Variants in GFRA2 observed in about 807,000 individuals in gnomAD.
GFRA2 encodes GDNF family receptor alpha 2.
In GFRA2, 17 loss-of-function variants were observed where a neutral mutation model predicts 48.3. That is an observed-to-expected ratio of 0.35 (90% CI 0.24 to 0.53). The LOEUF is 0.53. Ranked by LOEUF, GFRA2 falls within the 20% of genes least tolerant of loss-of-function variation. The pLI is 0.93. For synonymous variants in GFRA2, 305 were observed against 257.2 expected (o/e 1.19, Z -1.78); for missense variants, 660 against 637.3 (o/e 1.04, Z -0.38).
At chr8:21,778,550 C>T (rs1806822542) in intron 2 of GFRA2, among the ~76,000 whole-genome samples, 1 of 152,232 alleles carries the variant, frequency 6.6e-6, no homozygotes, top group East Asian at 1.9e-4. Context: ...ACAGTAGGTG[C>T]TTAACAAATG....
intron 1 of GFRA2, among the ~76,000 whole-genome samples, chr8:21,787,562 G>A (rs1358626738): frequency 3.7e-4 from 57 of 152,138 alleles, no homozygotes; most frequent in Admixed American, 3.7e-3. Context: ...GGGGACGCGG[G>A]CTCCGTTTGC....
chr8:21,724,228 GT>G (rs942408033), intron 4 of GFRA2, among the ~76,000 whole-genome samples: 26 of 152,096 alleles, frequency 1.7e-4, no homozygotes, highest in Non-Finnish European at 3.1e-4. Context: ...ATGGTCTTGT[GT>G]GGGGGGCCTG....
At chr8:21,781,884 G>C (rs1807009609) in intron 2 of GFRA2, among the ~76,000 whole-genome samples, 1 of 152,156 alleles carries the variant, frequency 6.6e-6, no homozygotes, top group Non-Finnish European at 1.5e-5. Context: ...GGACTTATAG[G>C]TTCTACTTTG....
chr8:21,788,257 A>G lies in GFRA2; in HGVS notation c.-98T>C. The G allele has an allele frequency of 2.0e-6, 3 of 1,518,302 alleles. No homozygotes were observed. Among genetic ancestry groups the G allele is most frequent in the Middle Eastern group, 1.7e-4 (1 of 5,786 alleles). 94.1% of individuals were successfully genotyped at this position (1,518,302 alleles called of 1,614,324 possible). A position where few individuals can be genotyped will look rare whatever the true frequency, so the allele number is the denominator to read the frequency against. ...TAATAATAGGCAAGCAGTGGTAATC[A>G]GCCCCAAATCCAATGCGGAGATCCC... On this transcript the variant is annotated 5_prime_UTR_variant, in exon 1 of 9. Transcript: ENST00000524240.
chr8:21,795,939 C>G (rs914580617), intron 2 of GFRA2, among the ~76,000 whole-genome samples: 21 of 152,188 alleles, frequency 1.4e-4, no homozygotes, highest in Non-Finnish European at 1.5e-5. Context: ...TTTGTGTCAT[C>G]CAAGACAGAC....
chr8:21,705,065 C>A lies in GFRA2; in HGVS notation c.965G>T (p.Trp322Leu). Residue 322 changes from tryptophan to leucine, a missense_variant, in exon 6 of 9, where the codon TGG (tryptophan) becomes TTG (leucine). Physicochemically the swap from Trp to Leu is moderately conservative, Grantham distance 61 (BLOSUM62 -2). Coordinates refer to ENST00000524240, the MANE Select transcript of GFRA2 (RefSeq NM_001495.5). ...SSPTGIVVSP[W>L]CSCRGSGNME... The stretch of plus-strand genomic sequence containing the variant: ...GTTCCCGCTGCCACGACAGCTGCAC[C>A]AGGGGGACACCACGATGCCAGTGGG... 6.2e-7 allele frequency: 1 copy of A among 1,611,138 alleles called. No individual in the cohort carries two copies.
chr8:21,756,485 G>A lies in GFRA2; in HGVS notation c.440-5543C>T, dbSNP rs147489917. ...GCAGCCTGCGCTGCGTTTTCATTAT[G>A]AGGGAGATGGTGGGGTCAGGGCTGG... On this transcript the variant is annotated intron_variant, in intron 3 of 8. Coordinates refer to ENST00000524240, the MANE Select transcript of GFRA2 (RefSeq NM_001495.5). Among the ~76,000 whole-genome samples the A allele has an allele frequency of 1.8e-3, 271 of 152,286 alleles. 1 individual carries two copies. Among genetic ancestry groups the A allele is most frequent in the Middle Eastern group, 6.8e-3 (2 of 294 alleles).
intron 4 of GFRA2, among the ~76,000 whole-genome samples, chr8:21,719,026 T>G (rs907326590): frequency 6.6e-6 from 1 of 152,006 alleles, no homozygotes; most frequent in Non-Finnish European, 1.5e-5. Context: ...GGCCCCCCCT[T>G]GCCATCCAGC....
intron 4 of GFRA2, among the ~76,000 whole-genome samples, chr8:21,714,246 C>CTATTTTTTTTTTT: frequency 1.3e-5 from 1 of 78,400 alleles, no homozygotes; most frequent in Non-Finnish European, 2.2e-5. Flanking sequence ...GTCTGAAGTT[C>CTATTTTTTTTTTT]TTTTTTTTTT....
At chr8:21,737,636 C>T (rs540847901) in intron 4 of GFRA2, among the ~76,000 whole-genome samples, 4 of 152,184 alleles carry the variant, frequency 2.6e-5, no homozygotes, top group South Asian at 4.2e-4. Flanking sequence ...ACAGTCCCGC[C>T]GTCCAGGAGG....
At chr8:21,697,921 C>T (rs1262035851) in intron 7 of GFRA2, among the ~76,000 whole-genome samples, 1 of 152,172 alleles carries the variant, frequency 6.6e-6, no homozygotes, top group African/African-American at 2.4e-5. Context: ...GAGGCCTCCC[C>T]GGCCATGTGG....
At chr8:21,701,518 TCTC>T (rs1434943139) in intron 7 of GFRA2, among the ~76,000 whole-genome samples, 2 of 152,202 alleles carry the variant, frequency 1.3e-5, no homozygotes, top group African/African-American at 2.4e-5. Context: ...AGGGTCTATT[TCTC>T]CTCCTTTCCT....
chr8:21,704,198 C>T (rs531633086), intron 6 of GFRA2, among the ~76,000 whole-genome samples: 2 of 152,354 alleles, frequency 1.3e-5, no homozygotes, highest in East Asian at 3.9e-4. Context: ...GCGCCCCCTG[C>T]CTCTTCAACT....
intron 2 of GFRA2, among the ~76,000 whole-genome samples, chr8:21,775,987 C>CTGTG (rs1806675883): frequency 1.6e-5 from 2 of 126,694 alleles, no homozygotes; most frequent in South Asian, 5.2e-4. Context: ...ACCACTCATC[C>CTGTG]TCTGTGTGTG....
intron 4 of GFRA2, among the ~76,000 whole-genome samples, chr8:21,731,334 G>C (rs779792317): frequency 5.3e-5 from 8 of 152,264 alleles, no homozygotes; most frequent in Non-Finnish European, 1.0e-4. Context: ...GGAGAGCTGA[G>C]AACGATGAGG....
At chr8:21,793,369 G>A (rs1218231065), upstream of GFRA2, among the ~76,000 whole-genome samples, 3 of 152,188 alleles carry the variant, frequency 2.0e-5, no homozygotes, top group Non-Finnish European at 4.4e-5. Flanking sequence ...AACAGGGAGT[G>A]GCAGTGGGCG....
chr8:21,788,048 C>CCGGGG, intron 1 of GFRA2, 72 bp downstream of exon 1: 1 of 665,738 alleles, frequency 1.5e-6, no homozygotes, highest in East Asian at 3.6e-5. Flanking sequence ...AGCCCCCCAC[C>CCGGGG]GGCGCTCCGC....
At chr8:21,710,348 C>T (rs1802956793) in intron 4 of GFRA2, among the ~76,000 whole-genome samples, 1 of 152,220 alleles carries the variant, frequency 6.6e-6, no homozygotes, top group South Asian at 2.1e-4. Context: ...CTGTGCCTGC[C>T]ACTTGAAGTG....
At chr8:21,741,457 T>A (rs1399184463) in intron 4 of GFRA2, among the ~76,000 whole-genome samples, 1 of 152,090 alleles carries the variant, frequency 6.6e-6, no homozygotes, top group Admixed American at 6.6e-5. Flanking sequence ...CACATCCTGC[T>A]CATTTCGGCA....
Sources: allele counts gnomAD v4.1 joint callset (sites outside exome capture counted in the v4.1 genomes callset), GRCh38; gene constraint gnomAD v4.1.1; transcripts MANE v1.5; gene names NCBI Gene and HGNC (gene_info 2026-07-23, HGNC 2026-07-21).